THSD7A: variants seen among roughly 807,000 people sequenced by gnomAD.
THSD7A encodes the protein thrombospondin type 1 domain containing 7A.
A neutral mutation model predicts 231.3 loss-of-function variants in THSD7A; 96 were observed. That is an observed-to-expected ratio of 0.41 (90% CI 0.35 to 0.49). The LOEUF (loss-of-function observed/expected upper bound fraction) is 0.49. Among genes scored for constraint, THSD7A ranks in the 20% least tolerant of loss-of-function variants. THSD7A has a pLI of 0.05. For synonymous variants in THSD7A, 940 were observed against 743.3 expected (o/e 1.26, Z -4.30); for missense variants, 2,290 against 2,070.2 (o/e 1.11, Z -2.06).
chr7:11,588,760 T>C (rs1239337175), intron 4 of THSD7A, among the ~76,000 whole-genome samples: 2 of 152,186 alleles, frequency 1.3e-5, no homozygotes, highest in African/African-American at 4.8e-5. Context: ...GAAATTATAC[T>C]ACCCTGGAAA....
chr7:11,612,379 T>A (rs1019245470), intron 2 of THSD7A, among the ~76,000 whole-genome samples: 8 of 152,204 alleles, frequency 5.3e-5, no homozygotes, highest in Non-Finnish European at 8.8e-5. Context: ...AAATAAAGAA[T>A]GCAGAAACAG....
At chr7:11,757,732 C>T (rs138180685) in intron 1 of THSD7A, among the ~76,000 whole-genome samples, 40 of 151,872 alleles carry the variant, frequency 2.6e-4, no homozygotes, top group African/African-American at 8.0e-4. Context: ...TTCCCTTTGT[C>T]CATTGTAACA....
At chr7:11,758,093 A>G (rs1782743569) in intron 1 of THSD7A, among the ~76,000 whole-genome samples, 1 of 150,020 alleles carries the variant, frequency 6.7e-6, no homozygotes, top group Non-Finnish European at 1.5e-5. Flanking sequence ...ATTATCTTTA[A>G]TTGGGGAAAT....
chr7:11,638,101 T>G (rs921006986), intron 1 of THSD7A, among the ~76,000 whole-genome samples: 2 of 152,162 alleles, frequency 1.3e-5, no homozygotes, highest in Admixed American at 1.3e-4. Context: ...TCCTCCCTGA[T>G]TGATGCTTTT....
chr7:11,679,322 C>T (rs559690511), intron 1 of THSD7A, among the ~76,000 whole-genome samples: 1 of 152,158 alleles, frequency 6.6e-6, no homozygotes, highest in Non-Finnish European at 1.5e-5. Flanking sequence ...CACTCCTATT[C>T]AACATATTAT....
intron 1 of THSD7A, among the ~76,000 whole-genome samples, chr7:11,708,362 A>G (rs1300795802): frequency 6.6e-6 from 1 of 150,772 alleles, no homozygotes; most frequent in African/African-American, 2.4e-5. Flanking sequence ...AAGTTTCCAT[A>G]TGTTTGTAAA....
At position 11,476,064 on chromosome 7, in the gene THSD7A, C is replaced by A. The variant is rs148940473; in HGVS notation, c.2018-1496G>T. ...TTTAAATGAAACTTGTTAGGATCTACAATACAGGTTCAAAAAATTGGTAAA... is the reference window on the plus strand; with the variant it reads ...TTTAAATGAAACTTGTTAGGATCTAAAATACAGGTTCAAAAAATTGGTAAA... On this transcript the variant is annotated intron_variant, in intron 7 of 27. Transcript: ENST00000423059. 8.1e-3 allele frequency among the ~76,000 whole-genome samples: 1,203 copies of A among 149,172 alleles called. 11 individuals carry two copies. Among genetic ancestry groups the A allele is most frequent in the African/African-American group, 0.028 (1,120 of 40,644 alleles).
In THSD7A at chr7:11,426,640, A is replaced by G. The variant is rs576474258; in HGVS notation, c.3249+26T>C. ...TTTAAGAAAAGAAGGATTCTATCAA[A>G]AAGCATGAGGTTTAAGAGTTCTTAC... On this transcript the variant is annotated intron_variant, in intron 15 of 27. Coordinates refer to ENST00000423059, the MANE Select transcript of THSD7A (RefSeq NM_015204.3). 43 of 1,542,070 alleles carry G rather than the reference A, an allele frequency of 2.8e-5. 1 individual carries two copies. In the South Asian group the frequency reaches 4.9e-4, roughly 18 times the overall value.
intron 1 of THSD7A, among the ~76,000 whole-genome samples, chr7:11,665,919 C>T (rs1161900946): frequency 2.0e-5 from 3 of 152,046 alleles, no homozygotes; most frequent in South Asian, 2.1e-4. Flanking sequence ...CTACAGAGTC[C>T]TCCCCTGCTC....
At chr7:11,572,736 G>T (rs540481790) in intron 4 of THSD7A, among the ~76,000 whole-genome samples, 2 of 151,968 alleles carry the variant, frequency 1.3e-5, no homozygotes, top group Admixed American at 1.3e-4. Context: ...AAATTCCTGG[G>T]CTCAAGTGAT....
At chr7:11,466,050 A>G in intron 9 of THSD7A, among the ~76,000 whole-genome samples, 1 of 151,856 alleles carries the variant, frequency 6.6e-6, no homozygotes, top group Admixed American at 6.6e-5. Flanking sequence ...ATTTCAAACA[A>G]CTCTTTTAGT....
At chr7:11,424,175 T>G (rs1784241988) in intron 16 of THSD7A, among the ~76,000 whole-genome samples, 1 of 150,344 alleles carries the variant, frequency 6.7e-6, no homozygotes, top group Non-Finnish European at 1.5e-5. Flanking sequence ...ATTTTTAATT[T>G]AATTTAAACT....
intron 15 of THSD7A, 126 bp from the exon 16 acceptor site, chr7:11,424,955 A>G (rs1327800759): frequency 8.7e-7 from 1 of 1,152,246 alleles, no homozygotes; most frequent in Non-Finnish European, 1.2e-6. Flanking sequence ...ACTGCTTATT[A>G]TTCTAACATT....
At chr7:11,692,604 A>C (rs749133730) in intron 1 of THSD7A, among the ~76,000 whole-genome samples, 1 of 151,598 alleles carries the variant, frequency 6.6e-6, no homozygotes, top group African/African-American at 2.4e-5. Flanking sequence ...TTCAGCTTGT[A>C]CCTTCACAGT....
intron 16 of THSD7A, 117 bp from the exon 17 acceptor site, chr7:11,417,720 T>C (rs552080657): frequency 7.8e-6 from 8 of 1,019,804 alleles, no homozygotes; most frequent in Non-Finnish European, 9.6e-6. Context: ...GACATCGTTA[T>C]GGGGGTGGGG....
chr7:11,715,493 G>A (rs1032430428), intron 1 of THSD7A, among the ~76,000 whole-genome samples: 1 of 151,394 alleles, frequency 6.6e-6, no homozygotes, highest in Non-Finnish European at 1.5e-5. Context: ...GTTAGAAATA[G>A]ATATATATGA....
intron 6 of THSD7A, among the ~76,000 whole-genome samples, chr7:11,484,874 A>ATTGTTTTTTTT (rs1786585134): frequency 1.9e-5 from 1 of 53,796 alleles, no homozygotes; most frequent in African/African-American, 7.5e-5. Context: ...CACAACCTTA[A>ATTGTTTTTTTT]TTTTTTTTTT....
chr7:11,524,550 C>T (rs1388569529), intron 6 of THSD7A, among the ~76,000 whole-genome samples: 2 of 152,146 alleles, frequency 1.3e-5, no homozygotes, highest in African/African-American at 2.4e-5. Flanking sequence ...GACCGATGAA[C>T]ATTTAAGGTA....
intron 11 of THSD7A, among the ~76,000 whole-genome samples, chr7:11,448,546 C>T (rs989901208): frequency 2.6e-5 from 4 of 152,064 alleles, no homozygotes; most frequent in African/African-American, 4.8e-5. Context: ...ACCATGAAAT[C>T]GAGGTGAAGG....
Sources: allele counts gnomAD v4.1 joint callset (sites outside exome capture counted in the v4.1 genomes callset), GRCh38; gene constraint gnomAD v4.1.1; transcripts MANE v1.5; gene names NCBI Gene and HGNC (gene_info 2026-07-23, HGNC 2026-07-21).